ARB2A: variants seen among roughly 807,000 people sequenced by gnomAD.
ARB2A encodes the protein cotranscriptional regulator ARB2A.
the ARB2A span, among the ~76,000 whole-genome samples, chr5:93,694,001 G>A: frequency 2.0e-5 from 3 of 152,078 alleles, no homozygotes; most frequent in Non-Finnish European, 2.9e-5. Flanking sequence ...ACCCCTTCAT[G>A]CTAAAAACTC....
chr5:93,671,927 G>A, the ARB2A span, among the ~76,000 whole-genome samples: 1 of 152,198 alleles, frequency 6.6e-6, no homozygotes, highest in Non-Finnish European at 1.5e-5. Flanking sequence ...TCAATGGAAA[G>A]AACTGGTAAG....
chr5:94,020,990 A>G, the ARB2A span, among the ~76,000 whole-genome samples: 1 of 152,132 alleles, frequency 6.6e-6, no homozygotes, highest in Non-Finnish European at 1.5e-5. Flanking sequence ...GTGTATCCCT[A>G]TGTAATAAAC....
chr5:93,650,919 G>A, the ARB2A span, among the ~76,000 whole-genome samples: 8 of 152,066 alleles, frequency 5.3e-5, no homozygotes, highest in Non-Finnish European at 1.0e-4. Context: ...TTGAACCCAG[G>A]AGATCAAGGC....
At chr5:93,773,947 T>C in the ARB2A span, among the ~76,000 whole-genome samples, 1 of 152,324 alleles carries the variant, frequency 6.6e-6, no homozygotes, top group East Asian at 1.9e-4. Flanking sequence ...TTAAAAAATT[T>C]TTTTTGGAGA....
At chr5:93,636,061 A>T in the ARB2A span, among the ~76,000 whole-genome samples, 1 of 152,208 alleles carries the variant, frequency 6.6e-6, no homozygotes, top group Non-Finnish European at 1.5e-5. Context: ...GACAGTAAAA[A>T]CTTGTGAATT....
At chr5:93,940,042 T>C in the ARB2A span, among the ~76,000 whole-genome samples, 1 of 152,082 alleles carries the variant, frequency 6.6e-6, no homozygotes. Flanking sequence ...GTTCAATCTT[T>C]CTGAGGCATA....
chr5:93,716,763 C>T, the ARB2A span, among the ~76,000 whole-genome samples: 1 of 150,644 alleles, frequency 6.6e-6, no homozygotes, highest in African/African-American at 2.4e-5. Context: ...ATGATGTTCT[C>T]CTATATTTTC....
chr5:93,998,279 A>G, the ARB2A span, among the ~76,000 whole-genome samples: 1 of 152,014 alleles, frequency 6.6e-6, no homozygotes. Context: ...TAGAAGGAGT[A>G]TCAATTAGCA....
chr5:93,822,721 CATA>C, the ARB2A span, among the ~76,000 whole-genome samples: 2 of 151,686 alleles, frequency 1.3e-5, no homozygotes, highest in South Asian at 4.2e-4. Flanking sequence ...AAAAGTACAT[CATA>C]GTAGTGTGCT....
chr5:93,691,112 C>T, the ARB2A span, among the ~76,000 whole-genome samples: 2 of 151,954 alleles, frequency 1.3e-5, no homozygotes, highest in African/African-American at 4.8e-5. Flanking sequence ...ATCAGAATGC[C>T]TCTCCTCCTC....
chr5:94,066,161 C>T, the ARB2A span, among the ~76,000 whole-genome samples: 11 of 151,982 alleles, frequency 7.2e-5, no homozygotes, highest in African/African-American at 1.4e-4. Context: ...AAACCAAACA[C>T]GACATACCAA....
At chr5:94,014,377 C>T in the ARB2A span, among the ~76,000 whole-genome samples, 1 of 152,118 alleles carries the variant, frequency 6.6e-6, no homozygotes, top group African/African-American at 2.4e-5. Context: ...ACGGCAGCAG[C>T]CTTGCAGTAA....
At chr5:93,795,388 T>C in the ARB2A span, among the ~76,000 whole-genome samples, 2 of 152,202 alleles carry the variant, frequency 1.3e-5, no homozygotes, top group Non-Finnish European at 2.9e-5. Context: ...AGCCTTTTTG[T>C]TGAGAAGGCA....
the ARB2A span, among the ~76,000 whole-genome samples, chr5:93,730,904 T>C: frequency 6.6e-6 from 1 of 152,114 alleles, no homozygotes; most frequent in Non-Finnish European, 1.5e-5. Flanking sequence ...GCCCAGAAGG[T>C]TATTGGTTGG....
At chr5:93,893,236 A>G in the ARB2A span, among the ~76,000 whole-genome samples, 2 of 152,120 alleles carry the variant, frequency 1.3e-5, no homozygotes, top group Non-Finnish European at 2.9e-5. Flanking sequence ...CAGCAACTTC[A>G]TGGGCCACAG....
At chr5:93,789,106 T>C in the ARB2A span, among the ~76,000 whole-genome samples, 1 of 152,332 alleles carries the variant, frequency 6.6e-6, no homozygotes, top group African/African-American at 2.4e-5. Flanking sequence ...ATGTTTCAAA[T>C]GTGTTTTTGA....
the ARB2A span, among the ~76,000 whole-genome samples, chr5:93,996,552 CTATAA>C: frequency 2.5e-4 from 38 of 151,934 alleles, 1 homozygote; most frequent in African/African-American, 8.9e-4. Flanking sequence ...GCATTGGCCC[CTATAA>C]TATGTCAAAC....
chr5:93,696,725 C>A, the ARB2A span, among the ~76,000 whole-genome samples: 1 of 152,164 alleles, frequency 6.6e-6, no homozygotes, highest in East Asian at 1.9e-4. Flanking sequence ...ACAATGCCTG[C>A]CACATTCATG....
chr5:93,860,643 T>A, the ARB2A span: 1 of 143,236 alleles, frequency 7.0e-6, no homozygotes, highest in Admixed American at 7.0e-5. Flanking sequence ...GTAAGATTGT[T>A]TCTTTCTTTT....
Sources: gnomAD v4.1 joint callset for allele counts (sites outside exome capture counted in the v4.1 genomes callset) on GRCh38, gnomAD v4.1.1 for gene constraint, MANE v1.5 for transcripts, NCBI Gene and HGNC (gene_info 2026-07-23, HGNC 2026-07-21) for gene names.